Variants in PTPN13 observed in about 807,000 individuals in gnomAD.
The protein encoded by PTPN13 is protein tyrosine phosphatase non-receptor type 13, also known as tyrosine-protein phosphatase non-receptor type 13.
In PTPN13, 191 loss-of-function variants were observed where a neutral mutation model predicts 284.0. The ratio of observed to expected loss-of-function variants is 0.67; its 90% confidence interval spans 0.60 to 0.76. PTPN13 has a LOEUF of 0.76. Ranked by LOEUF, PTPN13 falls within the 30% of genes least tolerant of loss-of-function variation. The pLI is 0.00. For missense variants in PTPN13, 2,797 were observed against 2,939.9 expected (o/e 0.95, Z 1.12); for synonymous variants, 986 against 1,022.3 (o/e 0.96, Z 0.68).
intron 1 of PTPN13, among the ~76,000 whole-genome samples, chr4:86,615,808 G>T (rs939959777): frequency 6.6e-6 from 1 of 152,100 alleles, no homozygotes; most frequent in Non-Finnish European, 1.5e-5. Flanking sequence ...ACTTCTTCCA[G>T]ATGGCAAATG....
chr4:86,729,879 G>A (rs893312463), intron 10 of PTPN13, among the ~76,000 whole-genome samples: 3 of 149,650 alleles, frequency 2.0e-5, no homozygotes, highest in Admixed American at 6.7e-5. Flanking sequence ...AGCTTTGTTC[G>A]TTTGCTGGTG....
At chr4:86,777,022 A>C (rs1024799299) in intron 35 of PTPN13, among the ~76,000 whole-genome samples, 4 of 152,212 alleles carry the variant, frequency 2.6e-5, no homozygotes, top group Non-Finnish European at 5.9e-5. Context: ...GCATCTACTC[A>C]ACCTTATAAC....
At chr4:86,606,397 CT>C (rs1375295942) in intron 1 of PTPN13, among the ~76,000 whole-genome samples, 3 of 151,802 alleles carry the variant, frequency 2.0e-5, no homozygotes, top group African/African-American at 7.2e-5. Flanking sequence ...CCCAGTGTGA[CT>C]TTACTGTTAG....
chr4:86,741,674 G>A lies in PTPN13; in HGVS notation c.2345G>A (p.Arg782Gln), dbSNP rs767916843. 22 of 1,613,536 alleles carry A rather than the reference G, an allele frequency of 1.4e-5. No individual in the cohort carries two copies. Among genetic ancestry groups the A allele is most frequent in the South Asian group, 9.9e-5 (9 of 91,028 alleles). The part of the protein sequence containing the change: ...RLTEYGVHFH[R>Q]VHPEKKSQTG... ...ACAGAATATGGAGTTCATTTTCACCGAGTGCACCCTGAGAAGAAGTCACAA... is the reference window on the plus strand; with the variant it reads ...ACAGAATATGGAGTTCATTTTCACCAAGTGCACCCTGAGAAGAAGTCACAA... Residue 782 changes from arginine (R) to glutamine (Q), a missense_variant, in exon 16 of 48, where the codon CGA (arginine) becomes CAA (glutamine). Transcript: ENST00000411767.
intron 5 of PTPN13, among the ~76,000 whole-genome samples, chr4:86,693,089 A>G (rs1730209534): frequency 6.6e-6 from 1 of 151,440 alleles, no homozygotes; most frequent in African/African-American, 2.4e-5. Flanking sequence ...AAAAAAAAAA[A>G]AAAAGACTTA....
At chr4:86,767,018 C>G (rs1256129306) in intron 27 of PTPN13, among the ~76,000 whole-genome samples, 1 of 152,012 alleles carries the variant, frequency 6.6e-6, no homozygotes, top group Non-Finnish European at 1.5e-5. Flanking sequence ...TTCCCAGGCT[C>G]AGGTGATCCC....
At chr4:86,646,190 A>G (rs1354816444) in intron 2 of PTPN13, among the ~76,000 whole-genome samples, 1 of 152,138 alleles carries the variant, frequency 6.6e-6, no homozygotes, top group African/African-American at 2.4e-5. Flanking sequence ...AGAAAAAAAA[A>G]GATACAGTGG....
chr4:86,694,008 GTA>G (rs988834255), intron 6 of PTPN13, among the ~76,000 whole-genome samples: 5 of 151,550 alleles, frequency 3.3e-5, no homozygotes, highest in Non-Finnish European at 5.9e-5. Context: ...ATAAACACAT[GTA>G]TATGTTTATG....
intron 1 of PTPN13, among the ~76,000 whole-genome samples, chr4:86,621,146 C>CAT (rs149338940): frequency 0.046 from 7,056 of 152,220 alleles, 218 homozygotes; most frequent in African/African-American, 0.06. Flanking sequence ...CTGGGGTACA[C>CAT]GTGGGGATCA....
At position 86,741,686 on chromosome 4, in the gene PTPN13, A is replaced by C. The variant is rs761203126; in HGVS notation, c.2357A>C (p.Glu786Ala). Residue 786 changes from glutamate to alanine, a missense_variant, in exon 16 of 48, where the codon GAG becomes GCG. Glu to Ala is a moderately radical substitution (Grantham distance 107). Transcript: ENST00000411767. ...YGVHFHRVHP[E>A]KKSQTGILLG... ...GTTCATTTTCACCGAGTGCACCCTG[A>C]GAAGAAGTCACAAACAGGAATATTG... is the stretch of plus-strand genomic sequence containing the variant. 1 of 1,613,812 alleles carries C rather than the reference A, an allele frequency of 6.2e-7. No homozygotes were observed. Among genetic ancestry groups the C allele is most frequent in the Admixed American group, 1.7e-5 (1 of 60,004 alleles).
rs773070685 is a variant in PTPN13, at chr4:86,701,459, A to G, written c.853A>G (p.Lys285Glu). 6.2e-7 allele frequency: 1 copy of G among 1,613,912 alleles called. No individual in the cohort carries two copies. Among genetic ancestry groups the G allele is most frequent in the Non-Finnish European group, 8.5e-7 (1 of 1,179,850 alleles). ...YQFKTSGPEK[K>E]PIPGIDVLSK... is the part of the protein sequence containing the mutation. ...GTTCAAAACTAGTGGCCCAGAAAAA[A>G]AACCCATCCCTGGCATTGATGTGCT... is the stretch of plus-strand genomic sequence containing the variant. The change falls in exon 7 of 48, where the codon AAA (lysine) becomes GAA (glutamate). Residue 285 changes from lysine to glutamate, a missense_variant. Physicochemically the swap from Lys to Glu is moderately conservative, Grantham distance 56. Transcript: ENST00000411767.
chr4:86,778,345 T>A (rs930084114), intron 35 of PTPN13, among the ~76,000 whole-genome samples: 1 of 152,200 alleles, frequency 6.6e-6, no homozygotes, highest in Non-Finnish European at 1.5e-5. Flanking sequence ...AACTCCTGAA[T>A]CAGAGATAAA....
intron 3 of PTPN13, among the ~76,000 whole-genome samples, chr4:86,677,256 G>A (rs1728381314): frequency 6.6e-6 from 1 of 151,150 alleles, no homozygotes; most frequent in African/African-American, 2.4e-5. Flanking sequence ...AACAGAGCAA[G>A]ACTCTGTCTC....
chr4:86,773,748 G>A (rs1357162230), intron 32 of PTPN13, among the ~76,000 whole-genome samples: 2 of 151,526 alleles, frequency 1.3e-5, no homozygotes, highest in Non-Finnish European at 2.9e-5. Context: ...GGGGTGTGCA[G>A]CATCTACATC....
rs949136615 is a variant in PTPN13, at chr4:86,594,356, A to G, written c.-439A>G. 3.9e-5 allele frequency: 6 copies of G among 152,284 alleles called. No homozygotes were observed. Among genetic ancestry groups the G allele is most frequent in the African/African-American group, 1.4e-4 (6 of 41,448 alleles). 9.4% of individuals were successfully genotyped at this position (152,284 alleles called of 1,614,324 possible). Reference sequence around the variant, plus strand: ...CACGCTGAGGCGAGGGTGACACACCATGCTCACGGCCCCTGGAGACCGTCG... The same window carrying G: ...CACGCTGAGGCGAGGGTGACACACCGTGCTCACGGCCCCTGGAGACCGTCG... On this transcript the variant is annotated 5_prime_UTR_variant, in exon 1 of 48. It removes an upstream start codon present in the reference 5' UTR. Coordinates refer to ENST00000411767, the MANE Select transcript of PTPN13 (RefSeq NM_080683.3).
chr4:86,719,211 C>T (rs1411078311), intron 9 of PTPN13, among the ~76,000 whole-genome samples: 4 of 152,114 alleles, frequency 2.6e-5, no homozygotes, highest in Non-Finnish European at 5.9e-5. Context: ...CTCCCACTTA[C>T]AAGTGAGAAC....
intron 2 of PTPN13, among the ~76,000 whole-genome samples, chr4:86,641,177 G>A (rs1215652708): frequency 1.3e-5 from 2 of 152,080 alleles, no homozygotes; most frequent in Non-Finnish European, 2.9e-5. Flanking sequence ...ATAATTATTA[G>A]TTTTTTTATT....
chr4:86,619,215 G>T (rs889039955), intron 1 of PTPN13, among the ~76,000 whole-genome samples: 2 of 152,178 alleles, frequency 1.3e-5, no homozygotes, highest in Non-Finnish European at 2.9e-5. Context: ...AGAAGGTTAG[G>T]TATATTAATC....
At chr4:86,800,544 C>T (rs958224716) in intron 42 of PTPN13, among the ~76,000 whole-genome samples, 4 of 151,800 alleles carry the variant, frequency 2.6e-5, no homozygotes, top group Admixed American at 6.6e-5. Context: ...CCCAGCTACT[C>T]GGGAGGCTGA....
Sources: gnomAD v4.1 joint callset for allele counts (sites outside exome capture counted in the v4.1 genomes callset) on GRCh38, gnomAD v4.1.1 for gene constraint, MANE v1.5 for transcripts, NCBI Gene and HGNC (gene_info 2026-07-23, HGNC 2026-07-21) for gene names.